ABL1: variants seen among roughly 807,000 people sequenced by gnomAD.
The protein encoded by ABL1 is ABL proto-oncogene 1, non-receptor tyrosine kinase.
Under a neutral mutation model 94.7 loss-of-function variants are expected in ABL1, and 11 were observed. The ratio of observed to expected loss-of-function variants is 0.12; its 90% confidence interval spans 0.07 to 0.19. The LOEUF (loss-of-function observed/expected upper bound fraction) is 0.19, where lower values mean the gene tolerates loss of function less well. Among genes scored for constraint, ABL1 ranks in the 10% least tolerant of loss-of-function variants. The pLI is 1.00. For synonymous variants in ABL1, 656 were observed against 622.4 expected, an observed-to-expected ratio of 1.05 and a Z score of -0.80; for missense variants, 1,082 against 1,489.4, an observed-to-expected ratio of 0.73 and a Z score of 4.50.
chr9:130,835,023 G>C (rs990436919), upstream of ABL1: 2 of 334,510 alleles, frequency 6.0e-6, no homozygotes, highest in Non-Finnish European at 1.2e-5. This position sits in a 1 kb window ranked among gnomAD's most constrained non-coding sequence, Gnocchi z 4.6. Context: ...CCGGGGCTGG[G>C]ACGGCGCTTC....
chr9:130,844,310 T>C (rs1481997171), intron 1 of ABL1, among the ~76,000 whole-genome samples: 1 of 152,042 alleles, frequency 6.6e-6, no homozygotes, highest in African/African-American at 2.4e-5. Context: ...GGAGGAAAAG[T>C]GCCAAGATGC....
Position 130,884,420 on chromosome 9 carries a change from C to G in ABL1, c.2130C>G (p.Ser710Arg). 6.2e-7 allele frequency: 1 copy of G among 1,612,154 alleles called. No individual in the cohort carries two copies. Among genetic ancestry groups the G allele is most frequent in the Non-Finnish European group, 8.5e-7 (1 of 1,179,820 alleles). Residue 710 changes from serine (S) to arginine (R), a missense_variant, in exon 11 of 11, where the codon AGC becomes AGG. Around this residue, in one of 7 missense-constraint regions of ABL1, gnomAD observed 780 missense variants for 835.8 expected, o/e 0.93. Transcript: ENST00000318560. This position sits in a 1 kb window ranked among gnomAD's most constrained non-coding sequence, Gnocchi z 5.6. ...AGGAGGAGGGCGGTGGCAGCTCCAG[C>G]AAGCGCTTCCTGCGCTCTTGCTCCG... ...TGEEEGGGSS[S>R]KRFLRSCSAS...
intron 1 of ABL1, among the ~76,000 whole-genome samples, chr9:130,838,974 A>G (rs1830628874): frequency 6.6e-6 from 1 of 152,112 alleles, no homozygotes; most frequent in African/African-American, 2.4e-5. Flanking sequence ...CAGTGGCACA[A>G]TCACAGCTCA....
rs769242844 is a variant in ABL1 at position 130,872,843 on chromosome 9, C to T, written c.908-17C>T. The stretch of plus-strand genomic sequence containing the variant: ...GAGCGGAGCCACGTGTTGAAGTCCT[C>T]GTTGTCTTGTTGGCAGGGGTCTGCA... On this transcript the variant is annotated splice_polypyrimidine_tract_variant and intron_variant, in intron 5 of 10. Transcript: ENST00000318560. The surrounding 1 kb of genome is among the most constrained non-coding windows in gnomAD (Gnocchi z 5.0). The T allele has an allele frequency of 5.4e-5, 86 of 1,600,740 alleles. No homozygotes were observed. The highest frequency in any genetic ancestry group is 1.4e-5 in the Non-Finnish European group (16 of 1,171,104).
At chr9:130,719,832 G>A (rs4740359) in intron 1 of ABL1, among the ~76,000 whole-genome samples, 42,579 of 152,082 alleles carry the variant, frequency 0.28, 8,624 homozygotes, top group African/African-American at 0.54. Context: ...GCCAAGAATA[G>A]CGTTGGTGTT....
At chr9:130,813,571 A>AG (rs996770116) in intron 1 of ABL1, among the ~76,000 whole-genome samples, 1 of 149,878 alleles carries the variant, frequency 6.7e-6, no homozygotes, top group Non-Finnish European at 1.5e-5. Context: ...CAAAAAAAAA[A>AG]AAAAAAAAAA....
In ABL1 at chr9:130,886,359, G is replaced by C. The variant is rs1398953345; in HGVS notation, c.*676G>C. ...CAACCAGCCTTTGGGTCCTGGGCAG[G>C]TGGGAGCTGAAAAGGATCGAGGCAT... On this transcript the variant is annotated 3_prime_UTR_variant, in exon 11 of 11. Coordinates refer to ENST00000318560, the MANE Select transcript of ABL1 (RefSeq NM_005157.6). 2 of 234,096 alleles carry C rather than the reference G, an allele frequency of 8.5e-6. No homozygotes were observed. The highest frequency in any genetic ancestry group is 1.7e-5 in the Non-Finnish European group (2 of 118,480). The allele number at this position is 234,096 out of a possible 1,614,324, so 14.5% of individuals were successfully genotyped here. A position where few individuals can be genotyped will look rare whatever the true frequency, so the allele number is the denominator to read the frequency against.
chr9:130,739,245 G>A (rs1217676971), intron 1 of ABL1, among the ~76,000 whole-genome samples: 2 of 152,126 alleles, frequency 1.3e-5, no homozygotes, highest in African/African-American at 2.4e-5. Context: ...TTAGTGGTAA[G>A]CTGCCTTTGT....
chr9:130,841,469 TG>T (rs1830670028), intron 1 of ABL1, among the ~76,000 whole-genome samples: 2 of 152,060 alleles, frequency 1.3e-5, no homozygotes, highest in South Asian at 4.1e-4. Context: ...AAAGCCGTCC[TG>T]GGCCATATGC....
At chr9:130,717,634 A>G (rs1831459821) in intron 1 of ABL1, among the ~76,000 whole-genome samples, 1 of 151,624 alleles carries the variant, frequency 6.6e-6, no homozygotes, top group South Asian at 2.1e-4. Flanking sequence ...TTTGGGCAAT[A>G]GAGGGAGACC....
At chr9:130,820,058 C>T (rs1262118740) in intron 1 of ABL1, among the ~76,000 whole-genome samples, 1 of 152,018 alleles carries the variant, frequency 6.6e-6, no homozygotes, top group East Asian at 1.9e-4. Flanking sequence ...TCACAAGTTT[C>T]ACACTCATGA....
chr9:130,794,605 C>G (rs944424981), intron 1 of ABL1, among the ~76,000 whole-genome samples: 12 of 152,152 alleles, frequency 7.9e-5, no homozygotes, highest in African/African-American at 2.7e-4. Flanking sequence ...CATTTCTCAA[C>G]TGCATTGTTT....
chr9:130,884,258 A>G lies in ABL1; in HGVS notation c.1968A>G (p.Pro656=). 2.5e-6 allele frequency: 4 copies of G among 1,598,296 alleles called. No homozygotes were observed. Among genetic ancestry groups the G allele is most frequent in the South Asian group, 1.1e-5 (1 of 89,238 alleles). The part of the protein sequence containing the change: ...LAFTPLDTAD[P]AKSPKPSNGA... ...TCACCCCCTTGGACACAGCTGACCC[A>G]GCCAAGTCCCCAAAGCCCAGCAATG... The change falls in exon 11 of 11, where the codon CCA becomes CCG. Residue 656 remains proline (P), a synonymous_variant. Transcript: ENST00000318560. This position sits in a 1 kb window ranked among gnomAD's most constrained non-coding sequence, Gnocchi z 5.6.
At chr9:130,859,963 G>A (rs535852861) in intron 3 of ABL1, among the ~76,000 whole-genome samples, 129 of 152,222 alleles carry the variant, frequency 8.5e-4, no homozygotes, top group Middle Eastern at 3.4e-3. Context: ...ACAGGCGTGA[G>A]CCACTGCTCC....
rs372951175 is a variant in ABL1 at position 130,744,973 on chromosome 9, C to T, written c.136+30518C>T. 2.6e-5 allele frequency among the ~76,000 whole-genome samples: 4 copies of T among 151,416 alleles called. No homozygotes were observed. The South Asian group carries it at 8.3e-4, about 32-fold the overall frequency. On this transcript the variant is annotated intron_variant, in intron 1 of 10. Transcript: ENST00000372348. Reference sequence around the variant, plus strand: ...ATGATGTAAGTGCCAAAGTTTCATTCGAGGTTTTGGGGTAGAATGTTTTTC... The same window carrying T: ...ATGATGTAAGTGCCAAAGTTTCATTTGAGGTTTTGGGGTAGAATGTTTTTC...
In ABL1 at chr9:130,872,378, T is replaced by TA. The variant is rs1831266813; in HGVS notation, c.907+165_907+166insA. The stretch of plus-strand genomic sequence containing the variant: ...TAAAATGAGGCCTGTATGGGATGGG[T>TA]GTGTGCGTGTGTGCACATATGCACA... On this transcript the variant is annotated intron_variant, in intron 5 of 10. Coordinates refer to ENST00000318560, the MANE Select transcript of ABL1 (RefSeq NM_005157.6). This position sits in a 1 kb window ranked among gnomAD's most constrained non-coding sequence, Gnocchi z 5.0. Among the ~76,000 whole-genome samples, 2 of 152,178 alleles carry TA rather than the reference T, an allele frequency of 1.3e-5. No homozygotes were observed. The highest frequency in any genetic ancestry group is 2.9e-5 in the Non-Finnish European group (2 of 68,030).
rs187554917 is a variant in ABL1 at position 130,797,193 on chromosome 9, G to A, written c.137-56871G>A. Among the ~76,000 whole-genome samples, 831 of 129,516 alleles carry A rather than the reference G, an allele frequency of 6.4e-3. 10 individuals carry two copies. Among genetic ancestry groups the A allele is most frequent in the African/African-American group, 0.023 (789 of 34,314 alleles). 85.0% of individuals were successfully genotyped at this position (129,516 alleles called of 152,430 possible). A position where few individuals can be genotyped will look rare whatever the true frequency, so the allele number is the denominator to read the frequency against. On this transcript the variant is annotated intron_variant, in intron 1 of 10. Transcript: ENST00000372348. The stretch of plus-strand genomic sequence containing the variant: ...AAAGGTTGCGGTGAGCCGAGATCGC[G>A]CCACTGCATTCGAGCCTGGGCGACA...
rs74632455 is a variant in ABL1 at position 130,788,483 on chromosome 9, T to C, written c.137-65581T>C. 6.0e-4 allele frequency among the ~76,000 whole-genome samples: 92 copies of C among 152,376 alleles called. No homozygotes were observed. The East Asian group carries it at 9.0e-3, about 15-fold the overall frequency. On this transcript the variant is annotated intron_variant, in intron 1 of 10. Coordinates refer to the ABL1 transcript ENST00000372348. ...GTAACTATAGTATAATTATTAACTT[T>C]AGGAAATTTAACTTTGATAGAATAT...
chr9:130,852,476 T>G (rs996157550), intron 1 of ABL1, among the ~76,000 whole-genome samples: 1 of 152,244 alleles, frequency 6.6e-6, no homozygotes, highest in African/African-American at 2.4e-5. Context: ...CCCAATGTTC[T>G]AGGGTTACAG....
Sources: gnomAD v4.1 joint callset for allele counts (sites outside exome capture counted in the v4.1 genomes callset) on GRCh38, gnomAD v4.1.1 for gene constraint, gnomAD v4.1.1 regional missense constraint, Gnocchi (gnomAD v3.1) non-coding constraint, MANE v1.5 for transcripts, NCBI Gene and HGNC (gene_info 2026-07-23, HGNC 2026-07-21) for gene names.